Variants in MDN1 observed in about 807,000 individuals in gnomAD.
The protein encoded by MDN1 is midasin AAA ATPase 1, also known as midasin.
Under a neutral mutation model 669.2 loss-of-function variants are expected in MDN1, and 266 were observed. That is an observed-to-expected ratio of 0.40 (90% CI 0.36 to 0.44). The LOEUF (loss-of-function observed/expected upper bound fraction) is 0.44, where lower values mean the gene tolerates loss of function less well. MDN1 is among the 20% of genes least tolerant of loss of function. The pLI is 1.00. For missense variants in MDN1, 5,940 were observed against 6,754.0 expected, an observed-to-expected ratio of 0.88 and a Z score of 4.22; for synonymous variants, 2,385 against 2,457.1, an observed-to-expected ratio of 0.97 and a Z score of 0.87.
At chr6:89,707,549 TG>T in intron 51 of MDN1, 73 bp from the exon 52 acceptor site, 2 of 908,096 alleles carry the variant, frequency 2.2e-6, no homozygotes, top group Non-Finnish European at 3.6e-6. Context: ...CTCTATTTGC[TG>T]GAACACTTGG....
intron 69 of MDN1, 147 bp downstream of exon 69, chr6:89,686,755 T>C: frequency 9.1e-7 from 1 of 1,102,480 alleles, no homozygotes; most frequent in Non-Finnish European, 1.3e-6. Context: ...TTGGCTGACC[T>C]CTCAGAAATA....
intron 7 of MDN1, 41 bp downstream of exon 7, chr6:89,789,739 A>G: frequency 6.5e-7 from 1 of 1,544,306 alleles, no homozygotes; most frequent in Non-Finnish European, 8.7e-7. Context: ...CCAAGACAGG[A>G]AAATATATTA....
chr6:89,744,860 C>A (rs1047128982), intron 29 of MDN1, among the ~76,000 whole-genome samples: 5 of 152,016 alleles, frequency 3.3e-5, no homozygotes, highest in Admixed American at 2.6e-4. Context: ...CCAGCCTGGA[C>A]AACAGAGTGA....
rs774158701 is a variant in MDN1, at chr6:89,754,233, A to C, written c.2817-3T>G. The stretch of plus-strand genomic sequence containing the variant: ...CTTTCCGCAAAGCTGTGTAGAAGCT[A>C]CAAATAGAATAAAGGTCAGGCAATT... On this transcript the variant is annotated splice_region_variant and splice_polypyrimidine_tract_variant and intron_variant, in intron 20 of 101. Coordinates refer to ENST00000369393, the MANE Select transcript of MDN1 (RefSeq NM_014611.3). 3 of 1,611,944 alleles carry C rather than the reference A, an allele frequency of 1.9e-6. No homozygotes were observed. The Admixed American group carries it at 5.0e-5, about 27-fold the overall frequency.
intron 59 of MDN1, among the ~76,000 whole-genome samples, chr6:89,697,221 T>C (rs1156799080): frequency 6.6e-6 from 1 of 152,238 alleles, no homozygotes; most frequent in Non-Finnish European, 1.5e-5. Flanking sequence ...AATGATGTTA[T>C]TACATCGCTT....
At chr6:89,790,469 C>T (rs770953964) in intron 5 of MDN1, 68 bp from the exon 6 acceptor site, 28 of 1,598,156 alleles carry the variant, frequency 1.8e-5, no homozygotes, top group Non-Finnish European at 2.4e-5. Flanking sequence ...TTAATTTCCA[C>T]AGTAAGCCTT....
intron 71 of MDN1, among the ~76,000 whole-genome samples, chr6:89,684,539 C>T (rs1334766696): frequency 1.3e-5 from 2 of 152,054 alleles, no homozygotes; most frequent in Admixed American, 1.3e-4. Flanking sequence ...TCCCTCCTTC[C>T]CCCATGGTAA....
At chr6:89,783,144 C>G (rs1048377756) in intron 9 of MDN1, among the ~76,000 whole-genome samples, 3 of 152,196 alleles carry the variant, frequency 2.0e-5, no homozygotes, top group Non-Finnish European at 2.9e-5. Context: ...CCTGCAGGGT[C>G]AGGCAAAAAG....
chr6:89,766,557 C>T (rs6910277), intron 15 of MDN1, among the ~76,000 whole-genome samples: 79,494 of 152,008 alleles, frequency 0.52, 21,194 homozygotes, highest in East Asian at 0.68. Flanking sequence ...TGCAGAAAGG[C>T]ACCTTGGGAG....
intron 15 of MDN1, among the ~76,000 whole-genome samples, chr6:89,767,555 C>T (rs1384927465): frequency 2.6e-5 from 4 of 151,780 alleles, no homozygotes; most frequent in African/African-American, 9.7e-5. Context: ...GTCAGGAGTT[C>T]GAGACCAGCC....
At chr6:89,688,216 G>C in intron 66 of MDN1, 43 bp from the exon 67 acceptor site, 1 of 1,526,864 alleles carries the variant, frequency 6.5e-7, no homozygotes. Context: ...GAATACCAGT[G>C]ATCCTAAGTC....
chr6:89,677,494 G>A (rs1811275242), intron 76 of MDN1, 76 bp downstream of exon 76: 1 of 1,571,392 alleles, frequency 6.4e-7, no homozygotes, highest in African/African-American at 1.4e-5. Context: ...TTTGCAATGT[G>A]CAAATGAGGA....
At chr6:89,809,754 T>A (rs1768257178) in intron 1 of MDN1, among the ~76,000 whole-genome samples, 1 of 146,442 alleles carries the variant, frequency 6.8e-6, no homozygotes. Flanking sequence ...CAAGCCTGGG[T>A]GCCAGAGCAA....
chr6:89,760,129 G>C (rs777969130), intron 17 of MDN1, among the ~76,000 whole-genome samples: 3 of 152,118 alleles, frequency 2.0e-5, no homozygotes, highest in Non-Finnish European at 4.4e-5. Flanking sequence ...ATAATGTATG[G>C]TTGAGTAGAC....
Position 89,819,667 on chromosome 6 carries a change from C to A in MDN1, c.-60G>T. On this transcript the variant is annotated 5_prime_UTR_variant, in exon 1 of 102. Coordinates refer to ENST00000369393, the MANE Select transcript of MDN1 (RefSeq NM_014611.3). The stretch of plus-strand genomic sequence containing the variant: ...CTCCCTACTTCGCGGCCAGCGTCCC[C>A]AAGCCGCCGAGGTCCCAGTGCCCGA... 2 of 1,460,496 alleles carry A rather than the reference C, an allele frequency of 1.4e-6. No individual in the cohort carries two copies. The highest frequency in any genetic ancestry group is 1.9e-6 in the Non-Finnish European group (2 of 1,055,216). The allele number at this position is 1,460,496 out of a possible 1,614,324, so 90.5% of individuals were successfully genotyped here.
intron 15 of MDN1, among the ~76,000 whole-genome samples, chr6:89,767,043 T>C (rs1444098668): frequency 6.6e-6 from 1 of 152,196 alleles, no homozygotes; most frequent in Non-Finnish European, 1.5e-5. Flanking sequence ...GCTATGAACA[T>C]GCACTCTGTA....
chr6:89,768,733 TC>T (rs1187673143), intron 15 of MDN1, among the ~76,000 whole-genome samples: 1 of 150,470 alleles, frequency 6.6e-6, no homozygotes, highest in Non-Finnish European at 1.5e-5. Context: ...TGAGACCCTG[TC>T]CCCCCCCAAA....
intron 78 of MDN1, among the ~76,000 whole-genome samples, 155 bp from the exon 79 acceptor site, chr6:89,674,744 A>C (rs1811067669): frequency 6.6e-6 from 1 of 152,178 alleles, no homozygotes; most frequent in African/African-American, 2.4e-5. Flanking sequence ...AGTCTGTTAA[A>C]ATGCCTCCCA....
chr6:89,681,357 A>G (rs1172404851), intron 73 of MDN1, among the ~76,000 whole-genome samples: 2 of 152,134 alleles, frequency 1.3e-5, no homozygotes, highest in Non-Finnish European at 2.9e-5. Flanking sequence ...TATTTTTAAT[A>G]GAGATGGGGT....
Sources: allele counts gnomAD v4.1 joint callset (sites outside exome capture counted in the v4.1 genomes callset), GRCh38; gene constraint gnomAD v4.1.1; transcripts MANE v1.5; gene names NCBI Gene and HGNC (gene_info 2026-07-23, HGNC 2026-07-21).